CLSTN2: variants seen among roughly 807,000 people sequenced by gnomAD.
The protein encoded by CLSTN2 is calsyntenin-2.
Under a neutral mutation model 101.2 loss-of-function variants are expected in CLSTN2, and 48 were observed. That is an observed-to-expected ratio of 0.47 (90% CI 0.38 to 0.60). CLSTN2 has a LOEUF of 0.60. CLSTN2 is among the 20% of genes least tolerant of loss of function. CLSTN2 has a pLI of 0.00. For synonymous variants in CLSTN2, 481 were observed against 463.6 expected, an observed-to-expected ratio of 1.04 and a Z score of -0.48; for missense variants, 1,160 against 1,238.2, an observed-to-expected ratio of 0.94 and a Z score of 0.95.
At position 140,021,420 on chromosome 3, in the gene CLSTN2, C is replaced by T. The variant is rs377189481; in HGVS notation, c.109+85937C>T. ...TAGTCAACCCAATGGCGTGGCGTACCGGCAGCATTGCAGTGAGCCAGGCAT... is the reference window on the plus strand; with the variant it reads ...TAGTCAACCCAATGGCGTGGCGTACTGGCAGCATTGCAGTGAGCCAGGCAT... On this transcript the variant is annotated intron_variant, in intron 1 of 16. Transcript: ENST00000458420. Among the ~76,000 whole-genome samples the T allele has an allele frequency of 1.3e-4, 20 of 152,236 alleles. No homozygotes were observed. The East Asian group carries it at 2.7e-3, about 21-fold the overall frequency.
At chr3:140,375,917 T>C (rs1168160807) in intron 2 of CLSTN2, among the ~76,000 whole-genome samples, 1 of 152,172 alleles carries the variant, frequency 6.6e-6, no homozygotes, top group Non-Finnish European at 1.5e-5. Context: ...CCAGAAACAG[T>C]AAACTACTTA....
At chr3:139,978,231 A>G (rs1426041) in intron 1 of CLSTN2, among the ~76,000 whole-genome samples, 112,951 of 152,142 alleles carry the variant, frequency 0.74, 44,845 homozygotes, top group East Asian at 0.87. Context: ...ACCCTGTTAG[A>G]CCTTTCCCAA....
Position 140,403,798 on chromosome 3 carries a change from C to G in CLSTN2, c.402C>G (p.His134Gln), listed in dbSNP as rs368696603. The G allele has an allele frequency of 7.4e-6, 12 of 1,612,210 alleles. No individual in the cohort carries two copies. The highest frequency in any genetic ancestry group is 1.7e-4 in the Middle Eastern group (1 of 6,034). ...CCTATGACTGTGGTGCTGGGCCCCA[C>G]GAGACAGCCTGGAAAAAGTCACACA... is the stretch of plus-strand genomic sequence containing the variant. ...IQAYDCGAGP[H>Q]ETAWKKSHKA... The change falls in exon 3 of 17, where the codon CAC becomes CAG. Residue 134 changes from histidine to glutamine, a missense_variant. By Grantham distance (24) the His-to-Gln change is conservative. Transcript: ENST00000458420.
chr3:140,237,948 T>C (rs1285300756), intron 2 of CLSTN2, among the ~76,000 whole-genome samples: 1 of 152,178 alleles, frequency 6.6e-6, no homozygotes, highest in Non-Finnish European at 1.5e-5. Flanking sequence ...GGCTCTGCTG[T>C]CTCAAAAGCA....
chr3:140,012,573 GA>G (rs1307819250), intron 1 of CLSTN2, among the ~76,000 whole-genome samples: 2 of 152,158 alleles, frequency 1.3e-5, no homozygotes, highest in Non-Finnish European at 2.9e-5. Context: ...GAAGAGGGAT[GA>G]CCAGCAAAAT....
intron 1 of CLSTN2, among the ~76,000 whole-genome samples, chr3:140,173,163 G>T (rs141999899): frequency 6.6e-6 from 1 of 152,266 alleles, no homozygotes; most frequent in Non-Finnish European, 1.5e-5. Flanking sequence ...AGATACAATG[G>T]GGATGCAGAC....
chr3:140,128,864 C>T (rs1002600435), intron 1 of CLSTN2, among the ~76,000 whole-genome samples: 4 of 152,000 alleles, frequency 2.6e-5, no homozygotes, highest in African/African-American at 4.8e-5. Flanking sequence ...GGGTGCTGTC[C>T]GGTTCAGAGA....
At chr3:140,532,239 T>G in intron 8 of CLSTN2, 85 bp from the exon 9 acceptor site, 3 of 1,141,296 alleles carry the variant, frequency 2.6e-6, no homozygotes, top group South Asian at 3.8e-5. Flanking sequence ...CAAAAATGTG[T>G]TGTTCTCCTT....
At chr3:140,218,790 G>C (rs2086234794) in intron 2 of CLSTN2, among the ~76,000 whole-genome samples, 1 of 152,168 alleles carries the variant, frequency 6.6e-6, no homozygotes, top group South Asian at 2.1e-4. Flanking sequence ...AATTTGTTGA[G>C]GGAAATGATG....
At chr3:140,384,209 C>G (rs2088025527) in intron 2 of CLSTN2, among the ~76,000 whole-genome samples, 1 of 152,192 alleles carries the variant, frequency 6.6e-6, no homozygotes, top group African/African-American at 2.4e-5. Flanking sequence ...ACTGGGAATG[C>G]CTTGGCCATC....
At chr3:140,098,676 C>T (rs1231757432) in intron 1 of CLSTN2, among the ~76,000 whole-genome samples, 1 of 152,212 alleles carries the variant, frequency 6.6e-6, no homozygotes, top group Non-Finnish European at 1.5e-5. Flanking sequence ...ATGTAATCTT[C>T]CCTGAATGCA....
intron 2 of CLSTN2, among the ~76,000 whole-genome samples, chr3:140,384,981 G>T (rs1260943473): frequency 6.6e-6 from 1 of 152,212 alleles, no homozygotes; most frequent in Non-Finnish European, 1.5e-5. Context: ...TTGGTTTAGT[G>T]TGTGGGCACC....
chr3:140,376,421 C>T (rs944959420), intron 2 of CLSTN2, among the ~76,000 whole-genome samples: 6 of 152,210 alleles, frequency 3.9e-5, no homozygotes, highest in African/African-American at 1.4e-4. Flanking sequence ...TTTCTTCTTT[C>T]CAGATAATCT....
chr3:140,209,453 C>T lies in CLSTN2; in HGVS notation c.232+33380C>T, dbSNP rs532853196. Reference sequence around the variant, plus strand: ...CCATTTCATTGGTGCGAGATAGCTGCGAGATAGCACTCTCCTCTCAATTCT... The same window carrying T: ...CCATTTCATTGGTGCGAGATAGCTGTGAGATAGCACTCTCCTCTCAATTCT... On this transcript the variant is annotated intron_variant, in intron 2 of 16. Coordinates refer to ENST00000458420, the MANE Select transcript of CLSTN2 (RefSeq NM_022131.3). 4.5e-4 allele frequency among the ~76,000 whole-genome samples: 69 copies of T among 152,192 alleles called. No homozygotes were observed. In the South Asian group the frequency reaches 5.0e-3, roughly 11 times the overall value.
At chr3:140,097,749 G>T (rs1393967487) in intron 1 of CLSTN2, among the ~76,000 whole-genome samples, 1 of 152,136 alleles carries the variant, frequency 6.6e-6, no homozygotes, top group African/African-American at 2.4e-5. Flanking sequence ...GGGATCCATT[G>T]AATAATTTGT....
At chr3:140,502,490 T>G (rs1347199953) in intron 8 of CLSTN2, among the ~76,000 whole-genome samples, 2 of 152,256 alleles carry the variant, frequency 1.3e-5, no homozygotes, top group African/African-American at 4.8e-5. Flanking sequence ...ATCCTGTGTG[T>G]GGTCAGCCCA....
Position 140,159,656 on chromosome 3 carries a change from A to T in CLSTN2, c.110-16295A>T, listed in dbSNP as rs573526778. Among the ~76,000 whole-genome samples the T allele has an allele frequency of 9.2e-5, 14 of 152,156 alleles. No individual in the cohort carries two copies. The South Asian group carries it at 2.7e-3, about 29-fold the overall frequency. On this transcript the variant is annotated intron_variant, in intron 1 of 16. Coordinates refer to ENST00000458420, the MANE Select transcript of CLSTN2 (RefSeq NM_022131.3). ...AGGTACCATTCGACCCAGCAATCAC[A>T]CTCCTGGGTATATATCCAAATGAAA...
intron 1 of CLSTN2, among the ~76,000 whole-genome samples, chr3:140,096,727 C>T (rs1392140995): frequency 6.6e-6 from 1 of 152,192 alleles, no homozygotes; most frequent in Non-Finnish European, 1.5e-5. Flanking sequence ...GCAGTTGCCC[C>T]AGGCTCCTGA....
chr3:140,014,675 G>A (rs903939441), intron 1 of CLSTN2, among the ~76,000 whole-genome samples: 6 of 152,160 alleles, frequency 3.9e-5, no homozygotes, highest in Non-Finnish European at 5.9e-5. Flanking sequence ...TGTGCCCAGC[G>A]TGTCTGAGGA....
Sources: allele counts gnomAD v4.1 joint callset (sites outside exome capture counted in the v4.1 genomes callset), GRCh38; gene constraint gnomAD v4.1.1; transcripts MANE v1.5; gene names NCBI Gene and HGNC (gene_info 2026-07-23, HGNC 2026-07-21).